Variants in ZNF341 observed in about 807,000 individuals in gnomAD.
The protein encoded by ZNF341 is zinc finger protein 341.
A neutral mutation model predicts 87.7 loss-of-function variants in ZNF341; 52 were observed. The observed-to-expected ratio is 0.59, with a 90% confidence interval of 0.47 to 0.75. ZNF341 has a LOEUF of 0.75. Ranked by LOEUF, ZNF341 falls within the 30% of genes least tolerant of loss-of-function variation. The pLI, the probability that ZNF341 is intolerant of heterozygous loss-of-function variation, is 0.00. For missense variants in ZNF341, 977 were observed against 1,145.9 expected, an observed-to-expected ratio of 0.85 and a Z score of 2.13; for synonymous variants, 459 against 472.7, an observed-to-expected ratio of 0.97 and a Z score of 0.38.
At position 33,762,060 on chromosome 20, in the gene ZNF341, G is replaced by A; in HGVS notation, c.1222+5G>A. 1.3e-6 allele frequency: 2 copies of A among 1,527,188 alleles called. No individual in the cohort carries two copies. Among genetic ancestry groups the A allele is most frequent in the East Asian group, 2.4e-5 (1 of 42,200 alleles). The allele number at this position is 1,527,188 out of a possible 1,614,324, so 94.6% of individuals were successfully genotyped here. A position where few individuals can be genotyped will look rare whatever the true frequency, so the allele number is the denominator to read the frequency against. Reference sequence around the variant, plus strand: ...AGGAGGACGAGGAAAGCACAGGTGGGTGGAAGTAGGGAACGCCATGCTTCC... The same window carrying A: ...AGGAGGACGAGGAAAGCACAGGTGGATGGAAGTAGGGAACGCCATGCTTCC... On this transcript the variant is annotated splice_donor_5th_base_variant and intron_variant, in intron 8 of 14. Transcript: ENST00000375200.
At chr20:33,760,741 A>C (rs1357901728) in intron 7 of ZNF341, among the ~76,000 whole-genome samples, 1 of 151,828 alleles carries the variant, frequency 6.6e-6, no homozygotes, top group Non-Finnish European at 1.5e-5. Context: ...ACAGGGTTTC[A>C]TCATGTTGCC....
intron 7 of ZNF341, among the ~76,000 whole-genome samples, chr20:33,759,773 G>T (rs549703660): frequency 1.0e-5 from 1 of 97,314 alleles, no homozygotes; most frequent in Non-Finnish European, 2.0e-5. Context: ...AGAGAGAGAG[G>T]GAGAGAGAGA....
At chr20:33,784,069 C>T (rs561804355) in intron 12 of ZNF341, among the ~76,000 whole-genome samples, 43 of 131,572 alleles carry the variant, frequency 3.3e-4, no homozygotes, top group African/African-American at 1.2e-3. Context: ...TCCTCCTCCC[C>T]ATCTCCCTCC....
chr20:33,747,976 G>A (rs1300853703), intron 3 of ZNF341, among the ~76,000 whole-genome samples: 1 of 152,032 alleles, frequency 6.6e-6, no homozygotes, highest in Non-Finnish European at 1.5e-5. Flanking sequence ...TTACAGGCAT[G>A]AGCCACCGTG....
In ZNF341 at chr20:33,745,251, G is replaced by A. The variant is rs141106616; in HGVS notation, c.291G>A (p.Ser97=). ...CCACCAACAGCATCTACCCACCTTC[G>A]GCAGCACCCACAGCGGTCCAGCAGG... ...SLATNSIYPP[S]AAPTAVQQAP... is the part of the protein sequence containing the mutation. The change falls in exon 3 of 15, where the codon TCG becomes TCA. Residue 97 remains serine, a synonymous_variant. Transcript: ENST00000375200. 8.7e-5 allele frequency: 141 copies of A among 1,614,108 alleles called. 1 individual carries two copies. In the African/African-American group the frequency reaches 1.6e-3, roughly 19 times the overall value.
intron 3 of ZNF341, 85 bp downstream of exon 3, chr20:33,745,384 A>G (rs1347787008): frequency 9.5e-6 from 13 of 1,369,128 alleles, no homozygotes; most frequent in Non-Finnish European, 1.2e-5. Context: ...GGCTATAGCA[A>G]TGGATAAGAC....
At position 33,774,282 on chromosome 20, in the gene ZNF341, A is replaced by T. The variant is rs1434908351; in HGVS notation, c.1622+3990A>T. 5.3e-5 allele frequency among the ~76,000 whole-genome samples: 8 copies of T among 152,288 alleles called. No homozygotes were observed. In the East Asian group the frequency reaches 1.3e-3, roughly 26 times the overall value. ...ACTCCATCCAGCCTGGGTGACAGAG[A>T]GAGAGACTCCGTCTCAAAAAAGAAA... is the stretch of plus-strand genomic sequence containing the variant. On this transcript the variant is annotated intron_variant, in intron 10 of 14. Transcript: ENST00000375200.
In ZNF341 at chr20:33,745,201, C is replaced by T. The variant is rs752072467; in HGVS notation, c.241C>T (p.Pro81Ser). The T allele has an allele frequency of 4.3e-5, 69 of 1,614,084 alleles. 1 individual carries two copies. The highest frequency in any genetic ancestry group is 5.7e-5 in the Non-Finnish European group (67 of 1,180,046). Residue 81 changes from proline (P) to serine (S), a missense_variant, in exon 3 of 15, where the codon CCC (proline) becomes TCC (serine). Physicochemically the swap from Pro to Ser is moderately conservative, Grantham distance 74. Transcript: ENST00000375200. ...GCGGGAACAGTGCCAGGGGAATGCCCCCGCCCTGGCCACAGTCTCACTGGC... is the reference window on the plus strand; with the variant it reads ...GCGGGAACAGTGCCAGGGGAATGCCTCCGCCCTGGCCACAGTCTCACTGGC... ...HKREQCQGNA[P>S]ALATVSLATN...
In ZNF341 at chr20:33,783,864, G is replaced by A; in HGVS notation, c.1852G>A (p.Gly618Ser). The change falls in exon 12 of 15, where the codon GGT becomes AGT. Residue 618 changes from glycine to serine, a missense_variant and splice_region_variant. Around this residue, in one of 3 missense-constraint regions of ZNF341, gnomAD observed 241 missense variants for 335.0 expected, o/e 0.72. Transcript: ENST00000375200. ...YLKLHAHIHS[G>S]EKPYKCSVCE... ...CAAACTGCATGCTCACATCCACTCG[G>A]GTAGGTACCCTGCCCCTGAGAACTC... 3 of 1,612,216 alleles carry A rather than the reference G, an allele frequency of 1.9e-6. No individual in the cohort carries two copies. Among genetic ancestry groups the A allele is most frequent in the Non-Finnish European group, 2.5e-6 (3 of 1,179,146 alleles).
chr20:33,771,031 A>G (rs1473280618), intron 10 of ZNF341, among the ~76,000 whole-genome samples: 2 of 152,012 alleles, frequency 1.3e-5, no homozygotes, highest in Non-Finnish European at 2.9e-5. Flanking sequence ...CTGAGGCAGG[A>G]GAATGACGTG....
At chr20:33,753,098 A>G in intron 4 of ZNF341, 74 bp from the exon 5 acceptor site, 1 of 1,601,466 alleles carries the variant, frequency 6.2e-7, no homozygotes, top group Non-Finnish European at 8.5e-7. Context: ...TGGCTAAAGC[A>G]AATGTCCTTC....
intron 4 of ZNF341, among the ~76,000 whole-genome samples, chr20:33,751,449 AGGTGGG>A (rs2019053340): frequency 6.6e-6 from 1 of 152,050 alleles, no homozygotes; most frequent in African/African-American, 2.4e-5. Flanking sequence ...TGTCTTGGGG[AGGTGGG>A]GAGAGGTTGC....
Position 33,780,411 on chromosome 20 carries a change from T to G in ZNF341, c.1623-880T>G, listed in dbSNP as rs190407475. ...TGGCATGGTCTGACTTACTTTTTTT[T>G]TTTGTTTCTTTTTTGAGACAGAGTC... On this transcript the variant is annotated intron_variant, in intron 10 of 14. Coordinates refer to ENST00000375200, the MANE Select transcript of ZNF341 (RefSeq NM_001282933.2). 5.3e-4 allele frequency among the ~76,000 whole-genome samples: 80 copies of G among 151,390 alleles called. No homozygotes were observed. In the East Asian group the frequency reaches 9.7e-3, roughly 18 times the overall value.
intron 11 of ZNF341, among the ~76,000 whole-genome samples, chr20:33,783,202 AG>A (rs1238593271): frequency 6.7e-6 from 1 of 148,188 alleles, no homozygotes; most frequent in Non-Finnish European, 1.5e-5. Flanking sequence ...ACCTTTCCAT[AG>A]ATTTCTTTAG....
chr20:33,739,121 C>T (rs183407291), intron 1 of ZNF341, among the ~76,000 whole-genome samples: 2 of 152,328 alleles, frequency 1.3e-5, no homozygotes, highest in African/African-American at 2.4e-5. Flanking sequence ...AGGCACCCAC[C>T]ACCATGCCCA....
At chr20:33,767,620 A>G (rs775619442) in intron 9 of ZNF341, among the ~76,000 whole-genome samples, 1 of 152,220 alleles carries the variant, frequency 6.6e-6, no homozygotes, top group Non-Finnish European at 1.5e-5. Flanking sequence ...TCCGTGAGCC[A>G]AAAGGGGTTA....
chr20:33,791,312 C>T lies in ZNF341; in HGVS notation c.2360C>T (p.Ala787Val). Residue 787 changes from alanine (A) to valine (V), a missense_variant, in exon 15 of 15, where the codon GCT becomes GTT. Physicochemically the swap from Ala to Val is moderately conservative, Grantham distance 64. Coordinates refer to ENST00000375200, the MANE Select transcript of ZNF341 (RefSeq NM_001282933.2). ...ACAGGGGCTGGGCTGGTGCCCGAGG[C>T]TGTCCCCGGCAAGCCGCCCTTCGCA... is the stretch of plus-strand genomic sequence containing the variant. ...KDTGAGLVPE[A>V]VPGKPPFAEP... 6.2e-7 allele frequency: 1 copy of T among 1,611,568 alleles called. No homozygotes were observed. The highest frequency in any genetic ancestry group is 2.2e-5 in the East Asian group (1 of 44,860).
intron 1 of ZNF341, among the ~76,000 whole-genome samples, chr20:33,740,601 C>T (rs1309174262): frequency 6.6e-6 from 1 of 152,056 alleles, no homozygotes; most frequent in Admixed American, 6.6e-5. Flanking sequence ...ACCATCCAGG[C>T]TCAAGCAGTC....
At chr20:33,767,102 A>G in intron 9 of ZNF341, 61 bp downstream of exon 9, 2 of 1,549,064 alleles carry the variant, frequency 1.3e-6, no homozygotes, top group Non-Finnish European at 8.8e-7. Flanking sequence ...CACTGGTGCT[A>G]GGGTCTTGAA....
Sources: gnomAD v4.1 joint callset for allele counts (sites outside exome capture counted in the v4.1 genomes callset) on GRCh38, gnomAD v4.1.1 for gene constraint, gnomAD v4.1.1 regional missense constraint, MANE v1.5 for transcripts, NCBI Gene and HGNC (gene_info 2026-07-23, HGNC 2026-07-21) for gene names.